SPOCK3: variants seen among roughly 807,000 people sequenced by gnomAD.
SPOCK3 encodes testican-3.
Under a neutral mutation model 56.6 loss-of-function variants are expected in SPOCK3, and 30 were observed. The observed-to-expected ratio is 0.53, with a 90% confidence interval of 0.40 to 0.72. The LOEUF is 0.72. SPOCK3 is among the 30% of genes least tolerant of loss of function. SPOCK3 has a pLI of 0.00. For missense variants in SPOCK3, 527 were observed against 530.0 expected, an observed-to-expected ratio of 0.99 and a Z score of 0.06; for synonymous variants, 196 against 183.3, an observed-to-expected ratio of 1.07 and a Z score of -0.56.
chr4:167,192,972 A>C (rs550639449), intron 2 of SPOCK3, among the ~76,000 whole-genome samples: 1 of 146,138 alleles, frequency 6.8e-6, no homozygotes, highest in Non-Finnish European at 1.5e-5. Flanking sequence ...CACTTGAAAT[A>C]ATCTTCTTAA....
At chr4:167,228,902 G>A (rs186594198) in intron 2 of SPOCK3, among the ~76,000 whole-genome samples, 2 of 152,228 alleles carry the variant, frequency 1.3e-5, no homozygotes, top group Admixed American at 1.3e-4. Flanking sequence ...CACCAGCTCT[G>A]ATCTGCAAAT....
rs779631620 is a variant in SPOCK3, at chr4:167,062,544, G to T, written c.190-7C>A. ...AAGTGCGGAAATAATCATCCTAAGG[G>T]GGAAAATAATGTGAATTGAGTGTAT... On this transcript the variant is annotated splice_region_variant and splice_polypyrimidine_tract_variant and intron_variant, in intron 2 of 10. Coordinates refer to ENST00000357545, the MANE Select transcript of SPOCK3 (RefSeq NM_001040159.2). 6.2e-7 allele frequency: 1 copy of T among 1,601,348 alleles called. No homozygotes were observed. The highest frequency in any genetic ancestry group is 8.5e-7 in the Non-Finnish European group (1 of 1,170,626).
chr4:166,748,855 G>C (rs1172395308), intron 8 of SPOCK3, among the ~76,000 whole-genome samples: 1 of 137,178 alleles, frequency 7.3e-6, no homozygotes, highest in Non-Finnish European at 1.5e-5. Context: ...TTCAAACGAA[G>C]TCATTTATGC....
chr4:166,839,331 G>A (rs1176414090), intron 6 of SPOCK3, among the ~76,000 whole-genome samples: 1 of 152,092 alleles, frequency 6.6e-6, no homozygotes, highest in Non-Finnish European at 1.5e-5. Flanking sequence ...CATATGGAAT[G>A]TCTCATTGTT....
At chr4:167,195,437 G>A (rs1318931064) in intron 2 of SPOCK3, among the ~76,000 whole-genome samples, 3 of 152,174 alleles carry the variant, frequency 2.0e-5, no homozygotes, top group Non-Finnish European at 4.4e-5. Context: ...TGTTGAGAGA[G>A]GCTAGAACCA....
At chr4:167,149,473 A>G (rs1172170489) in intron 2 of SPOCK3, among the ~76,000 whole-genome samples, 1 of 152,136 alleles carries the variant, frequency 6.6e-6, no homozygotes, top group Admixed American at 6.6e-5. Context: ...CCAATGGGAT[A>G]CTATAAACTG....
chr4:166,994,686 T>C (rs1427300966), intron 4 of SPOCK3, among the ~76,000 whole-genome samples: 2 of 152,192 alleles, frequency 1.3e-5, no homozygotes, highest in African/African-American at 2.4e-5. Flanking sequence ...TGACTTATTT[T>C]CATATATGAG....
rs141387631 is a variant in SPOCK3, at chr4:166,885,833, C to A, written c.589+3297G>T. Among the ~76,000 whole-genome samples the A allele has an allele frequency of 5.3e-5, 8 of 152,068 alleles. No homozygotes were observed. In the East Asian group the frequency reaches 1.5e-3, roughly 29 times the overall value. On this transcript the variant is annotated intron_variant, in intron 6 of 10. Coordinates refer to ENST00000357545, the MANE Select transcript of SPOCK3 (RefSeq NM_001040159.2). ...GAAAAGTAGTTTGAACTTTGGAATA[C>A]CCAGATTTGAAACAAACAGAAAATG...
intron 3 of SPOCK3, among the ~76,000 whole-genome samples, chr4:167,007,463 T>C (rs953560547): frequency 6.6e-6 from 1 of 152,098 alleles, no homozygotes; most frequent in African/African-American, 2.4e-5. Context: ...TTTTCAAATA[T>C]TTTTGGTCCG....
chr4:167,017,338 C>T (rs1430052721), intron 3 of SPOCK3, among the ~76,000 whole-genome samples: 1 of 152,058 alleles, frequency 6.6e-6, no homozygotes, highest in African/African-American at 2.4e-5. Context: ...GCTGCTCAGT[C>T]AAAAGGAAAT....
intron 5 of SPOCK3, among the ~76,000 whole-genome samples, chr4:166,906,455 C>A (rs1736621261): frequency 6.7e-6 from 1 of 150,034 alleles, no homozygotes. Context: ...TAGGCGTAAG[C>A]CACCATGCCT....
chr4:166,814,498 A>G (rs2126736882), intron 6 of SPOCK3, among the ~76,000 whole-genome samples: 1 of 152,182 alleles, frequency 6.6e-6, no homozygotes, highest in South Asian at 2.1e-4. Flanking sequence ...AGGTAGGAAA[A>G]GGTGGGATAA....
At chr4:166,843,031 G>T (rs1284265812) in intron 6 of SPOCK3, among the ~76,000 whole-genome samples, 1 of 152,158 alleles carries the variant, frequency 6.6e-6, no homozygotes, top group Non-Finnish European at 1.5e-5. Context: ...CGGCGCTGCT[G>T]GGGGGCCTGG....
chr4:166,875,736 G>A (rs1388536110), intron 6 of SPOCK3, among the ~76,000 whole-genome samples: 2 of 152,186 alleles, frequency 1.3e-5, no homozygotes, highest in Admixed American at 6.5e-5. Flanking sequence ...GCAGGTTTAG[G>A]ACCAGACAGG....
intron 2 of SPOCK3, among the ~76,000 whole-genome samples, chr4:167,172,032 A>T (rs781049691): frequency 2.6e-5 from 4 of 152,130 alleles, no homozygotes; most frequent in Non-Finnish European, 5.9e-5. Context: ...TTAAGAAATG[A>T]AAGAAGCTAA....
chr4:167,131,281 C>T (rs1035607777), intron 2 of SPOCK3, among the ~76,000 whole-genome samples: 8 of 152,012 alleles, frequency 5.3e-5, no homozygotes, highest in African/African-American at 1.7e-4. Flanking sequence ...ATGTGCTACA[C>T]TATGACATCA....
chr4:166,927,829 T>G (rs539087466), intron 4 of SPOCK3, among the ~76,000 whole-genome samples: 10 of 152,062 alleles, frequency 6.6e-5, no homozygotes, highest in African/African-American at 2.4e-4. Flanking sequence ...GCCAAAGACA[T>G]ATCTGATAAA....
At chr4:167,187,996 G>A (rs1473238193) in intron 2 of SPOCK3, among the ~76,000 whole-genome samples, 1 of 152,110 alleles carries the variant, frequency 6.6e-6, no homozygotes, top group Non-Finnish European at 1.5e-5. Flanking sequence ...CCAGATGAGT[G>A]ATAGGAATAC....
intron 7 of SPOCK3, among the ~76,000 whole-genome samples, chr4:166,768,361 G>C (rs1273462795): frequency 2.0e-5 from 3 of 152,060 alleles, no homozygotes; most frequent in African/African-American, 7.2e-5. Context: ...CTTCCTTCAG[G>C]AGCTCTTGTA....
Sources: allele counts gnomAD v4.1 joint callset (sites outside exome capture counted in the v4.1 genomes callset), GRCh38; gene constraint gnomAD v4.1.1; transcripts MANE v1.5; gene names NCBI Gene and HGNC (gene_info 2026-07-23, HGNC 2026-07-21).